Variants in PHGDH observed in about 807,000 individuals in gnomAD.
PHGDH encodes D-3-phosphoglycerate dehydrogenase.
In PHGDH, 50 loss-of-function variants were observed where a neutral mutation model predicts 52.6. The observed-to-expected ratio is 0.95, with a 90% CI of 0.76 to 1.20. PHGDH has a LOEUF of 1.20. PHGDH is among the 50% of genes most tolerant of loss of function. The pLI is 0.00. For synonymous variants in PHGDH, 271 were observed against 280.5 expected (o/e 0.97, Z 0.34); for missense variants, 630 against 684.6 (o/e 0.92, Z 0.89).
intron 1 of PHGDH, among the ~76,000 whole-genome samples, chr1:119,714,812 G>C (rs1448647982): frequency 1.3e-5 from 2 of 152,176 alleles, no homozygotes; most frequent in African/African-American, 4.8e-5. Flanking sequence ...TTCCCAACCT[G>C]GTGCTCTAGT....
At chr1:119,723,554 G>A in intron 3 of PHGDH, 113 bp downstream of exon 3, 1 of 838,980 alleles carries the variant, frequency 1.2e-6, no homozygotes, top group Admixed American at 1.8e-5. Context: ...GCGACTTGCA[G>A]ACTGCTAAGA....
At chr1:119,738,719 G>C (rs1652055339) in intron 8 of PHGDH, among the ~76,000 whole-genome samples, 1 of 149,684 alleles carries the variant, frequency 6.7e-6, no homozygotes, top group South Asian at 2.2e-4. Flanking sequence ...AGGTAGCAGT[G>C]ACATTCCAGA....
Position 119,743,002 on chromosome 1 carries a change from C to T in PHGDH, c.1405C>T (p.Arg469Trp), listed in dbSNP as rs776122990. The T allele has an allele frequency of 9.9e-6, 16 of 1,613,696 alleles. No homozygotes were observed. Among genetic ancestry groups the T allele is most frequent in the African/African-American group, 6.7e-5 (5 of 74,916 alleles). ...LRRDLPLLLF[R>W]TQTSDPAMLP... ...CAGGGACCTGCCCCTGCTCCTATTC[C>T]GGACTCAGACCTCTGACCCTGCAAT... is the stretch of plus-strand genomic sequence containing the variant. Residue 469 changes from arginine to tryptophan, a missense_variant, in exon 11 of 12, where the codon CGG (arginine) becomes TGG (tryptophan). By Grantham distance (101) the Arg-to-Trp change is moderately radical (BLOSUM62 -3). Coordinates refer to ENST00000641023, the MANE Select transcript of PHGDH (RefSeq NM_006623.4).
At chr1:119,728,730 G>A (rs1246020955) in intron 5 of PHGDH, among the ~76,000 whole-genome samples, 1 of 152,102 alleles carries the variant, frequency 6.6e-6, no homozygotes, top group Non-Finnish European at 1.5e-5. Context: ...ACCCACTAAG[G>A]CTACTATGGG....
chr1:119,715,739 G>C (rs879463639), intron 1 of PHGDH: 5 of 152,288 alleles, frequency 3.3e-5, no homozygotes, highest in Admixed American at 3.3e-4. Flanking sequence ...GGACTTGTAG[G>C]AAGTGTGGGA....
intron 5 of PHGDH, among the ~76,000 whole-genome samples, chr1:119,727,872 T>C (rs1176248341): frequency 1.3e-5 from 2 of 152,108 alleles, no homozygotes; most frequent in Non-Finnish European, 2.9e-5. Context: ...TGAGGCAGTG[T>C]TGATTATTGC....
intron 7 of PHGDH, among the ~76,000 whole-genome samples, chr1:119,735,733 G>A (rs1489440719): frequency 6.6e-6 from 1 of 152,196 alleles, no homozygotes; most frequent in Non-Finnish European, 1.5e-5. Flanking sequence ...CAAAGATAAA[G>A]CCACAAATCA....
At chr1:119,738,434 G>A (rs1652040943) in intron 8 of PHGDH, among the ~76,000 whole-genome samples, 2 of 152,230 alleles carry the variant, frequency 1.3e-5, no homozygotes, top group South Asian at 4.1e-4. Context: ...AGCAGCATGC[G>A]AGGAGGTCAG....
At chr1:119,730,486 A>G (rs1301800580) in intron 5 of PHGDH, among the ~76,000 whole-genome samples, 6 of 152,236 alleles carry the variant, frequency 3.9e-5, no homozygotes, top group African/African-American at 7.2e-5. Flanking sequence ...AGACTTTTCT[A>G]TGCATTTGCA....
At chr1:119,717,232 C>CAAAAAAAAAAAAA (rs58549149) in intron 1 of PHGDH, among the ~76,000 whole-genome samples, 3 of 37,352 alleles carry the variant, frequency 8.0e-5, no homozygotes, top group African/African-American at 2.2e-4. Flanking sequence ...AACTCTGTCT[C>CAAAAAAAAAAAAA]AAAAAAAAAA....
chr1:119,742,007 C>A lies in PHGDH; in HGVS notation c.1209+110C>A, dbSNP rs372032270. 98 of 921,730 alleles carry A rather than the reference C, an allele frequency of 1.1e-4. No individual in the cohort carries two copies. In the East Asian group the frequency reaches 1.2e-3, roughly 11 times the overall value. 57.1% of individuals were successfully genotyped at this position (921,730 alleles called of 1,614,324 possible). ...GGAGGCCTAGGTCCCAGCCTTGCAT[C>A]GGCCTGTCTACCTGTGAGGGGTAGC... is the stretch of plus-strand genomic sequence containing the variant. On this transcript the variant is annotated intron_variant, in intron 10 of 11. Coordinates refer to ENST00000641023, the MANE Select transcript of PHGDH (RefSeq NM_006623.4).
chr1:119,714,729 C>A (rs1014238943), intron 1 of PHGDH, among the ~76,000 whole-genome samples: 8 of 152,182 alleles, frequency 5.3e-5, no homozygotes, highest in African/African-American at 1.9e-4. Flanking sequence ...ATTAGCTAAG[C>A]ATCTTGCACA....
Position 119,743,983 on chromosome 1 carries a change from G to T in PHGDH, c.1545G>T (p.Leu515=), listed in dbSNP as rs1265382006. ...TWHVMGISSL[L]PSLEAWKQHV... ...ACGTCATGGGCATCTCCTCCTTGCT[G>T]CCCAGCCTGGAAGCGTGGAAGCAGC... The change falls in exon 12 of 12, where the codon CTG becomes CTT. Residue 515 remains leucine (L), a synonymous_variant. Transcript: ENST00000641023. 5 of 1,614,062 alleles carry T rather than the reference G, an allele frequency of 3.1e-6. No individual in the cohort carries two copies. Among genetic ancestry groups the T allele is most frequent in the Non-Finnish European group, 4.2e-6 (5 of 1,179,936 alleles).
At chr1:119,725,553 C>G (rs1251064324) in intron 3 of PHGDH, among the ~76,000 whole-genome samples, 1 of 152,138 alleles carries the variant, frequency 6.6e-6, no homozygotes, top group Non-Finnish European at 1.5e-5. Context: ...CAGCTTGTCC[C>G]CCATGTGGCT....
In PHGDH at chr1:119,721,209, A is replaced by G; in HGVS notation, c.178A>G (p.Thr60Ala). 6.2e-7 allele frequency: 1 copy of G among 1,613,934 alleles called. No individual in the cohort carries two copies. Among genetic ancestry groups the G allele is most frequent in the Non-Finnish European group, 8.5e-7 (1 of 1,179,830 alleles). ...GLIVRSATKV[T>A]ADVINAAEKL... ...TATTGTTCGCTCTGCCACCAAGGTG[A>G]CCGCTGATGTCATCAACGCAGCTGA... Residue 60 changes from threonine (T) to alanine (A), a missense_variant, in exon 2 of 12, where the codon ACC becomes GCC. Physicochemically the swap from Thr to Ala is moderately conservative, Grantham distance 58. Transcript: ENST00000641023.
intron 8 of PHGDH, among the ~76,000 whole-genome samples, chr1:119,739,264 A>G (rs1037293419): frequency 1.3e-5 from 2 of 152,154 alleles, no homozygotes; most frequent in African/African-American, 4.8e-5. Context: ...AGATGTGCCG[A>G]GGTGCCTGCG....
chr1:119,723,605 G>A, intron 3 of PHGDH, 164 bp downstream of exon 3: 2 of 691,538 alleles, frequency 2.9e-6, no homozygotes, highest in Non-Finnish European at 5.3e-6. Context: ...AGGCCATCAG[G>A]TCCTCTATTC....
In PHGDH at chr1:119,742,169, AGT is replaced by A. The variant is rs1230977964; in HGVS notation, c.1209+277_1209+278del. The A allele has an allele frequency of 6.1e-6, 3 of 495,816 alleles. No individual in the cohort carries two copies. In the Admixed American group the frequency reaches 9.6e-5, roughly 16 times the overall value. 30.7% of individuals were successfully genotyped at this position (495,816 alleles called of 1,614,324 possible). ...TCACAGCCAAAGAAAATGACGAGCT[AGT>A]GTGTTTGACTCTGCCCGACATGGCT... On this transcript the variant is annotated intron_variant, in intron 10 of 11. Transcript: ENST00000641023.
chr1:119,733,523 G>C lies in PHGDH; in HGVS notation c.511-1111G>C, dbSNP rs587663350. On this transcript the variant is annotated intron_variant, in intron 5 of 11. Coordinates refer to ENST00000641023, the MANE Select transcript of PHGDH (RefSeq NM_006623.4). ...TAGTTTTTTAAATTTTTTGTAGGGGGGGGGGTCTGACTATGTTTCTCCAGC... is the reference window on the plus strand; with the variant it reads ...TAGTTTTTTAAATTTTTTGTAGGGGCGGGGGTCTGACTATGTTTCTCCAGC... Among the ~76,000 whole-genome samples, 83 of 149,562 alleles carry C rather than the reference G, an allele frequency of 5.5e-4. 1 individual carries two copies. The highest frequency in any genetic ancestry group is 9.5e-4 in the Non-Finnish European group (64 of 67,462).
Sources: gnomAD v4.1 joint callset for allele counts (sites outside exome capture counted in the v4.1 genomes callset) on GRCh38, gnomAD v4.1.1 for gene constraint, MANE v1.5 for transcripts, NCBI Gene and HGNC (gene_info 2026-07-23, HGNC 2026-07-21) for gene names.